Variants in SRD5A2 observed in about 807,000 individuals in gnomAD.
SRD5A2 encodes the protein 3-oxo-5-alpha-steroid 4-dehydrogenase 2.
A neutral mutation model predicts 27.4 loss-of-function variants in SRD5A2; 30 were observed. That is an observed-to-expected ratio of 1.10 (90% confidence interval 0.82 to 1.49). The LOEUF is 1.49. SRD5A2 is among the 40% of genes most tolerant of loss of function. The pLI is 0.00. For synonymous variants in SRD5A2, 141 were observed against 133.6 expected, an observed-to-expected ratio of 1.06 and a Z score of -0.38; for missense variants, 348 against 323.4, an observed-to-expected ratio of 1.08 and a Z score of -0.58.
the SRD5A2 span, among the ~76,000 whole-genome samples, chr2:31,588,754 A>G: frequency 2.0e-5 from 3 of 152,232 alleles, no homozygotes; most frequent in Non-Finnish European, 4.4e-5. Flanking sequence ...ACTAAATATT[A>G]TAACACTAAC....
intron 1 of SRD5A2, among the ~76,000 whole-genome samples, chr2:31,565,418 G>A (rs1368633246): frequency 6.6e-6 from 1 of 151,636 alleles, no homozygotes; most frequent in Non-Finnish European, 1.5e-5. Context: ...GGGGCAGGGG[G>A]AAAGAAAAAT....
intron 1 of SRD5A2, among the ~76,000 whole-genome samples, chr2:31,541,907 G>A (rs540762442): frequency 6.1e-4 from 93 of 152,310 alleles, no homozygotes; most frequent in East Asian, 1.5e-3. Context: ...CTAGCCAGAG[G>A]GGAATCACCC....
At chr2:31,528,006 T>C (rs1053232653) in intron 4 of SRD5A2, among the ~76,000 whole-genome samples, 1 of 152,208 alleles carries the variant, frequency 6.6e-6, no homozygotes, top group East Asian at 1.9e-4. Context: ...GATCTGACAT[T>C]TACACTTGGC....
chr2:31,567,452 G>GTATATATATA (rs753337903), intron 1 of SRD5A2, among the ~76,000 whole-genome samples: 10 of 74,732 alleles, frequency 1.3e-4, no homozygotes, highest in Non-Finnish European at 2.3e-4. Flanking sequence ...GTGTGTGTGT[G>GTATATATATA]TGTGTATATA....
chr2:31,549,391 C>T (rs1049789776), intron 1 of SRD5A2, among the ~76,000 whole-genome samples: 4 of 151,644 alleles, frequency 2.6e-5, no homozygotes, highest in East Asian at 3.9e-4. Flanking sequence ...GGATTACAGG[C>T]GTGAATTATT....
chr2:31,564,780 T>G (rs1666695888), intron 1 of SRD5A2, among the ~76,000 whole-genome samples: 1 of 152,008 alleles, frequency 6.6e-6, no homozygotes, highest in South Asian at 2.1e-4. Flanking sequence ...CAATCTGGAT[T>G]GCTATATCCT....
At chr2:31,578,191 A>G (rs1666998536) in intron 1 of SRD5A2, among the ~76,000 whole-genome samples, 1 of 152,140 alleles carries the variant, frequency 6.6e-6, no homozygotes, top group Non-Finnish European at 1.5e-5. Context: ...AGTATTTTCT[A>G]CTTTTGGGAT....
chr2:31,535,104 C>G (rs920559234), intron 1 of SRD5A2, among the ~76,000 whole-genome samples: 2 of 151,802 alleles, frequency 1.3e-5, no homozygotes, highest in African/African-American at 4.8e-5. Context: ...TCACTGCAAC[C>G]TCCACCTCCA....
At chr2:31,655,321 G>A in the SRD5A2 span, among the ~76,000 whole-genome samples, 4 of 152,040 alleles carry the variant, frequency 2.6e-5, no homozygotes, top group Non-Finnish European at 4.4e-5. Flanking sequence ...GGCTGATCTC[G>A]AACTCCTGAC....
upstream of SRD5A2, among the ~76,000 whole-genome samples, chr2:31,584,505 A>G (rs1021173148): frequency 3.3e-5 from 5 of 152,168 alleles, no homozygotes; most frequent in African/African-American, 1.2e-4. Context: ...GTCCTCCATA[A>G]CACTGTCCTT....
chr2:31,607,961 C>T, the SRD5A2 span, among the ~76,000 whole-genome samples: 12 of 151,936 alleles, frequency 7.9e-5, no homozygotes, highest in Admixed American at 5.9e-4. Context: ...AGCTATGTAA[C>T]GGTACAATGA....
the SRD5A2 span, among the ~76,000 whole-genome samples, chr2:31,621,374 A>T: frequency 6.6e-6 from 1 of 152,054 alleles, no homozygotes; most frequent in Admixed American, 6.6e-5. Context: ...ATGGTATGTA[A>T]CCATTTGGGA....
At position 31,526,201 on chromosome 2, in the gene SRD5A2, A is replaced by G; in HGVS notation, c.760T>C (p.Phe254Leu). 1 of 1,580,974 alleles carries G rather than the reference A, an allele frequency of 6.3e-7. No individual in the cohort carries two copies. The highest frequency in any genetic ancestry group is 8.6e-7 in the Non-Finnish European group (1 of 1,160,816). ...TCCTTTTTAATTTGGTTCCTTTAAA[A>G]GATGAATGGAATAAGGGCTTTCCGA... ...KSRKALIPFI[F>L] The change falls in exon 5 of 5, where the codon TTT becomes CTT. Residue 254 changes from phenylalanine (F) to leucine (L), a missense_variant. By Grantham distance (22) the Phe-to-Leu change is conservative. Coordinates refer to ENST00000622030, the MANE Select transcript of SRD5A2 (RefSeq NM_000348.4).
At chr2:31,589,930 T>C in the SRD5A2 span, among the ~76,000 whole-genome samples, 207 of 152,158 alleles carry the variant, frequency 1.4e-3, 1 homozygote, top group African/African-American at 4.7e-3. Context: ...TGGAGGGGCA[T>C]GGCGGGAGTA....
the SRD5A2 span, among the ~76,000 whole-genome samples, chr2:31,602,196 T>C: frequency 6.6e-6 from 1 of 152,134 alleles, no homozygotes; most frequent in South Asian, 2.1e-4. Flanking sequence ...CTTAAGCTGA[T>C]AGCAACTTCA....
chr2:31,568,751 C>T (rs1022368662), intron 1 of SRD5A2, among the ~76,000 whole-genome samples: 1 of 152,156 alleles, frequency 6.6e-6, no homozygotes, highest in Non-Finnish European at 1.5e-5. Context: ...GCTGTTAGTG[C>T]CAAGGGGTGC....
chr2:31,564,432 A>G (rs1359505376), intron 1 of SRD5A2, among the ~76,000 whole-genome samples: 2 of 152,046 alleles, frequency 1.3e-5, no homozygotes, highest in Non-Finnish European at 2.9e-5. Context: ...AGTTTAATAT[A>G]CATGTAGGTC....
At chr2:31,526,731 A>G (rs1665791744) in intron 4 of SRD5A2, among the ~76,000 whole-genome samples, 2 of 152,138 alleles carry the variant, frequency 1.3e-5, no homozygotes, top group Admixed American at 6.6e-5. Context: ...AATTGTCACC[A>G]TGTATCATGG....
the SRD5A2 span, among the ~76,000 whole-genome samples, chr2:31,635,416 GTTGT>G: frequency 6.6e-6 from 1 of 151,984 alleles, no homozygotes; most frequent in African/African-American, 2.4e-5. Context: ...TTCCTACAGA[GTTGT>G]TTGAGTTCCT....
Sources: gnomAD v4.1 joint callset for allele counts (sites outside exome capture counted in the v4.1 genomes callset) on GRCh38, gnomAD v4.1.1 for gene constraint, MANE v1.5 for transcripts, NCBI Gene and HGNC (gene_info 2026-07-23, HGNC 2026-07-21) for gene names.